Variants in FAT3 observed in about 807,000 individuals in gnomAD.
The protein encoded by FAT3 is FAT atypical cadherin 3.
In FAT3, 95 loss-of-function variants were observed where a neutral mutation model predicts 310.2. The observed-to-expected ratio is 0.31, with a 90% CI of 0.26 to 0.36. The LOEUF (loss-of-function observed/expected upper bound fraction) is 0.36, where lower values mean the gene tolerates loss of function less well. Ranked by LOEUF, FAT3 falls within the 10% of genes least tolerant of loss-of-function variation. The pLI, the probability that FAT3 is intolerant of heterozygous loss-of-function variation, is 1.00. For synonymous variants in FAT3, 2,314 were observed against 2,192.9 expected (o/e 1.06, Z -1.54); for missense variants, 5,408 against 5,715.6 (o/e 0.95, Z 1.74).
In FAT3 at chr11:92,883,367, A is replaced by G. The variant is rs1384262576; in HGVS notation, c.12911A>G (p.Lys4304Arg). ...CGCTCCGACTGCGACTCCATCCGGA[A>G]GAATGGCTGGGACGCGGGAACTGAG... ...PCRSDCDSIR[K>R]NGWDAGTENK... Residue 4304 changes from lysine (K) to arginine (R), a missense_variant, in exon 24 of 28, where the codon AAG (lysine) becomes AGG (arginine). By Grantham distance (26) the Lys-to-Arg change is conservative. Coordinates refer to ENST00000525166, the MANE Select transcript of FAT3 (RefSeq NM_001367949.2). The surrounding 1 kb of genome is among the most constrained non-coding windows in gnomAD (Gnocchi z 4.2). The G allele has an allele frequency of 6.2e-7, 1 of 1,605,946 alleles. No homozygotes were observed. The highest frequency in any genetic ancestry group is 1.3e-5 in the African/African-American group (1 of 74,926).
chr11:92,256,299 A>C (rs1013365454), intron 1 of FAT3, among the ~76,000 whole-genome samples: 1 of 152,034 alleles, frequency 6.6e-6, no homozygotes, highest in Non-Finnish European at 1.5e-5. Flanking sequence ...TAATCTACAC[A>C]CATTATTAAA....
intron 1 of FAT3, among the ~76,000 whole-genome samples, chr11:92,237,387 A>G (rs1864474549): frequency 6.6e-6 from 1 of 151,972 alleles, no homozygotes; most frequent in Admixed American, 6.6e-5. Context: ...CTGGTGACCA[A>G]TTTCGAACAG....
chr11:92,313,527 A>C (rs1309835218), intron 1 of FAT3, among the ~76,000 whole-genome samples: 1 of 151,894 alleles, frequency 6.6e-6, no homozygotes, highest in Non-Finnish European at 1.5e-5. Flanking sequence ...AATGTTTTTG[A>C]TTGTTGTACC....
intron 1 of FAT3, among the ~76,000 whole-genome samples, chr11:92,257,908 G>T (rs577447919): frequency 6.6e-6 from 1 of 152,034 alleles, no homozygotes; most frequent in African/African-American, 2.4e-5. Flanking sequence ...GGTCAAAAGC[G>T]TGCATTATGC....
intron 7 of FAT3, 92 bp downstream of exon 7, chr11:92,774,272 T>A: frequency 7.5e-7 from 1 of 1,336,612 alleles, no homozygotes; most frequent in Non-Finnish European, 1.0e-6. Context: ...ATGGAAGTAG[T>A]AAATTATGTC....
chr11:92,761,994 A>G lies in FAT3; in HGVS notation c.3808A>G (p.Lys1270Glu), dbSNP rs1946162620. The change falls in exon 5 of 28, where the codon AAG becomes GAG. Residue 1270 changes from lysine (K) to glutamate (E), a missense_variant. Physicochemically the swap from Lys to Glu is moderately conservative, Grantham distance 56. Around this residue, in one of 5 missense-constraint regions of FAT3, gnomAD observed 4,588 missense variants for 4,809.8 expected, o/e 0.95. Coordinates refer to ENST00000525166, the MANE Select transcript of FAT3 (RefSeq NM_001367949.2). ...CAAGCTGCCAGAACGTGACCGAAAGAAGAGAGGAGAACCGATTTACAGGGC... is the reference window on the plus strand; with the variant it reads ...CAAGCTGCCAGAACGTGACCGAAAGGAGAGAGGAGAACCGATTTACAGGGC... ...QIKLPERDRK[K>E]RGEPIYRAFA... 6.2e-7 allele frequency: 1 copy of G among 1,613,966 alleles called. No individual in the cohort carries two copies. The highest frequency in any genetic ancestry group is 2.2e-5 in the East Asian group (1 of 44,866).
chr11:92,830,021 C>G (rs2136253916), intron 13 of FAT3, among the ~76,000 whole-genome samples: 1 of 152,222 alleles, frequency 6.6e-6, no homozygotes, highest in South Asian at 2.1e-4. Flanking sequence ...TCTAAGCCCT[C>G]CCCTCTAAGA....
At chr11:92,746,579 G>A (rs1945678335) in intron 4 of FAT3, among the ~76,000 whole-genome samples, 1 of 152,042 alleles carries the variant, frequency 6.6e-6, no homozygotes, top group South Asian at 2.1e-4. Flanking sequence ...ATGCATTTCT[G>A]AAAGTCCCCC....
intron 3 of FAT3, among the ~76,000 whole-genome samples, chr11:92,673,014 A>C (rs1334523749): frequency 1.3e-5 from 2 of 152,032 alleles, no homozygotes; most frequent in Non-Finnish European, 2.9e-5. Context: ...TCTGAGATCA[A>C]CTCTAAAATT....
intron 1 of FAT3, among the ~76,000 whole-genome samples, chr11:92,226,839 G>C (rs1444464784): frequency 6.6e-6 from 1 of 152,138 alleles, no homozygotes; most frequent in Non-Finnish European, 1.5e-5. Flanking sequence ...CAGCAGCCGC[G>C]GCGGGAGGGA....
chr11:92,843,962 T>C lies in FAT3; in HGVS notation c.10595T>C (p.Val3532Ala), dbSNP rs1948612618. 4 of 1,608,832 alleles carry C rather than the reference T, an allele frequency of 2.5e-6. No individual in the cohort carries two copies. In the South Asian group the frequency reaches 3.3e-5, roughly 13 times the overall value. The change falls in exon 19 of 28, where the codon GTT becomes GCT. Residue 3532 changes from valine (V) to alanine (A), a missense_variant. Val to Ala is a moderately conservative substitution (Grantham distance 64). Coordinates refer to ENST00000525166, the MANE Select transcript of FAT3 (RefSeq NM_001367949.2). ...QAKDSGKPQQVSHTYIRVRVI... is the reference protein window; with the variant it reads ...QAKDSGKPQQASHTYIRVRVI... The stretch of plus-strand genomic sequence containing the variant: ...AAGGATTCAGGCAAACCCCAGCAAG[T>C]TTCTCACACTTACATCCGCGTGCGA...
chr11:92,471,786 C>T (rs935384380), intron 2 of FAT3, among the ~76,000 whole-genome samples: 6 of 151,916 alleles, frequency 3.9e-5, no homozygotes, highest in African/African-American at 1.4e-4. Context: ...TAGTGTGATA[C>T]ATTCATGCAG....
chr11:92,674,931 T>C (rs1943243619), intron 3 of FAT3, among the ~76,000 whole-genome samples: 1 of 152,220 alleles, frequency 6.6e-6, no homozygotes, highest in African/African-American at 2.4e-5. Flanking sequence ...TTAGGATGTC[T>C]TCATAATTAG....
intron 3 of FAT3, among the ~76,000 whole-genome samples, chr11:92,613,618 C>A (rs1316589967): frequency 4.6e-5 from 7 of 152,176 alleles, no homozygotes. Flanking sequence ...CAAACCCCAT[C>A]TTCTAGCCTC....
In FAT3 at chr11:92,690,509, G is replaced by A. The variant is rs184290213; in HGVS notation, c.3608-6875G>A. On this transcript the variant is annotated intron_variant, in intron 3 of 27. Transcript: ENST00000525166. ...AACCCTTACTTAAGAAGCATATCTC[G>A]TGGGGGTAGTTTCCAGAATCCTTTT... is the stretch of plus-strand genomic sequence containing the variant. Among the ~76,000 whole-genome samples, 15 of 152,238 alleles carry A rather than the reference G, an allele frequency of 9.9e-5. No homozygotes were observed. The East Asian group carries it at 1.9e-3, about 20-fold the overall frequency.
At chr11:92,465,260 C>G (rs1185231766) in intron 2 of FAT3, among the ~76,000 whole-genome samples, 7 of 152,126 alleles carry the variant, frequency 4.6e-5, no homozygotes, top group Non-Finnish European at 8.8e-5. Flanking sequence ...GAGTATCTTG[C>G]TAGACATTGG....
At chr11:92,374,843 G>C (rs999490681) in intron 2 of FAT3, among the ~76,000 whole-genome samples, 1 of 118,008 alleles carries the variant, frequency 8.5e-6, no homozygotes, top group African/African-American at 5.9e-5. Context: ...TCTTACAGCA[G>C]TTTTTTTTTT....
chr11:92,722,214 ACC>A (rs911303937), intron 4 of FAT3, among the ~76,000 whole-genome samples: 3 of 150,016 alleles, frequency 2.0e-5, no homozygotes, highest in African/African-American at 7.6e-5. Flanking sequence ...ATGGCAGTAT[ACC>A]CATTGGGTAA....
intron 1 of FAT3, among the ~76,000 whole-genome samples, chr11:92,225,792 C>T (rs1401299740): frequency 1.3e-5 from 2 of 152,134 alleles, no homozygotes; most frequent in Non-Finnish European, 2.9e-5. Context: ...ATGTAGTGAA[C>T]GGCGGCGGCG....
Sources: gnomAD v4.1 joint callset for allele counts (sites outside exome capture counted in the v4.1 genomes callset) on GRCh38, gnomAD v4.1.1 for gene constraint, gnomAD v4.1.1 regional missense constraint, Gnocchi (gnomAD v3.1) non-coding constraint, MANE v1.5 for transcripts, NCBI Gene and HGNC (gene_info 2026-07-23, HGNC 2026-07-21) for gene names.